SIM2: variants seen among roughly 807,000 people sequenced by gnomAD.
The protein encoded by SIM2 is single-minded homolog 2.
Under a neutral mutation model 64.8 loss-of-function variants are expected in SIM2, and 28 were observed. The observed-to-expected ratio is 0.43, with a 90% confidence interval of 0.32 to 0.59. The LOEUF is 0.59. SIM2 is among the 20% of genes least tolerant of loss of function. SIM2 has a pLI of 0.07. For missense variants in SIM2, 847 were observed against 871.4 expected, an observed-to-expected ratio of 0.97 and a Z score of 0.35; for synonymous variants, 408 against 391.1, an observed-to-expected ratio of 1.04 and a Z score of -0.51.
chr21:36,736,260 A>G (rs1345806657), intron 7 of SIM2, among the ~76,000 whole-genome samples: 2 of 151,752 alleles, frequency 1.3e-5, no homozygotes, highest in East Asian at 3.9e-4. Context: ...ACAGCTGCCA[A>G]CAGCCAGGAC....
At chr21:36,720,531 A>G (rs1401814461) in intron 4 of SIM2, 1 of 152,332 alleles carries the variant, frequency 6.6e-6, no homozygotes, top group Non-Finnish European at 1.5e-5. Flanking sequence ...GAGTTCTAAG[A>G]CCTGCTACTG....
intron 9 of SIM2, among the ~76,000 whole-genome samples, chr21:36,744,173 A>G (rs2089198194): frequency 6.6e-6 from 1 of 152,150 alleles, no homozygotes; most frequent in Non-Finnish European, 1.5e-5. Context: ...TGGAGGTTGC[A>G]GTGAGCTGAG....
intron 7 of SIM2, among the ~76,000 whole-genome samples, chr21:36,731,890 A>T (rs2088973347): frequency 6.6e-6 from 1 of 152,174 alleles, no homozygotes; most frequent in African/African-American, 2.4e-5. Flanking sequence ...TCTAAAAAAA[A>T]AAATCTTTTT....
chr21:36,745,126 A>C lies in SIM2; in HGVS notation c.1566A>C (p.Pro522=), dbSNP rs562948609. 1 of 1,610,076 alleles carries C rather than the reference A, an allele frequency of 6.2e-7. No homozygotes were observed. The highest frequency in any genetic ancestry group is 1.3e-5 in the African/African-American group (1 of 75,002). Residue 522 remains proline, a synonymous_variant, in exon 10 of 11, where the codon CCA becomes CCC. Coordinates refer to ENST00000290399, the MANE Select transcript of SIM2 (RefSeq NM_005069.6). This position sits in a 1 kb window ranked among gnomAD's most constrained non-coding sequence, Gnocchi z 4.8. ...ACACTGCTAGGCACAGCCTGGTGCC[A>C]AGCTACGAAGGTGGGTCAGGTCTGC... ...PANTARHSLV[P]SYEAPAAAVR...
chr21:36,735,115 G>C (rs2089024998), intron 7 of SIM2, among the ~76,000 whole-genome samples: 1 of 152,218 alleles, frequency 6.6e-6, no homozygotes, highest in Admixed American at 6.5e-5. Flanking sequence ...TCAAGCAGAG[G>C]GGAGAGTGAG....
At chr21:36,722,260 A>T (rs2088832542) in intron 4 of SIM2, among the ~76,000 whole-genome samples, 1 of 152,172 alleles carries the variant, frequency 6.6e-6, no homozygotes, top group African/African-American at 2.4e-5. Flanking sequence ...TGTGGGTAAA[A>T]TATGGCAGCC....
chr21:36,702,363 C>T (rs1412146554), intron 1 of SIM2, among the ~76,000 whole-genome samples: 2 of 152,192 alleles, frequency 1.3e-5, no homozygotes, highest in Admixed American at 6.5e-5. Flanking sequence ...TGTTCGGTCC[C>T]CCTCGGAAAG....
At chr21:36,701,040 C>A (rs2088486721) in intron 1 of SIM2, among the ~76,000 whole-genome samples, 1 of 152,230 alleles carries the variant, frequency 6.6e-6, no homozygotes, top group Non-Finnish European at 1.5e-5. Context: ...CGGGCCGCGT[C>A]TTCCAGAGCC....
chr21:36,747,917 G>T lies in SIM2; in HGVS notation c.1829G>T (p.Gly610Val). ...LNYHRVLARR[G>V]PLGGAAPAAS... Reference sequence around the variant, plus strand: ...TACCACCGCGTGCTGGCCCGGCGCGGACCGCTGGGGGGCGCCGCACCCGCC... The same window carrying T: ...TACCACCGCGTGCTGGCCCGGCGCGTACCGCTGGGGGGCGCCGCACCCGCC... The change falls in exon 11 of 11, where the codon GGA becomes GTA. Residue 610 changes from glycine (G) to valine (V), a missense_variant. Physicochemically the swap from Gly to Val is moderately radical, Grantham distance 109. Transcript: ENST00000290399. The surrounding 1 kb of genome is among the most constrained non-coding windows in gnomAD (Gnocchi z 4.5). The T allele has an allele frequency of 1.9e-6, 2 of 1,045,178 alleles. No homozygotes were observed. Among genetic ancestry groups the T allele is most frequent in the South Asian group, 5.9e-5 (2 of 33,964 alleles). 64.7% of individuals were successfully genotyped at this position (1,045,178 alleles called of 1,614,324 possible).
At position 36,745,721 on chromosome 21, in the gene SIM2, C is replaced by A; in HGVS notation, c.1576+585C>A. On this transcript the variant is annotated intron_variant, in intron 10 of 10. Coordinates refer to ENST00000290399, the MANE Select transcript of SIM2 (RefSeq NM_005069.6). The surrounding 1 kb of genome is among the most constrained non-coding windows in gnomAD (Gnocchi z 4.8). Reference sequence around the variant, plus strand: ...GATGTGCCTACTCCCAAGGACACGACACACAGTAGGGACCTGCCCTGTACA... The same window carrying A: ...GATGTGCCTACTCCCAAGGACACGAAACACAGTAGGGACCTGCCCTGTACA... 7.9e-7 allele frequency: 1 copy of A among 1,272,424 alleles called. No homozygotes were observed. The highest frequency in any genetic ancestry group is 1.0e-6 in the Non-Finnish European group (1 of 964,584). The allele number at this position is 1,272,424 out of a possible 1,614,324, so 78.8% of individuals were successfully genotyped here.
At chr21:36,744,306 T>A (rs1229870426) in intron 9 of SIM2, among the ~76,000 whole-genome samples, 1 of 73,180 alleles carries the variant, frequency 1.4e-5, no homozygotes, top group Non-Finnish European at 2.3e-5. Context: ...GCCTCCACAT[T>A]ATGACAAAAA....
At chr21:36,731,457 C>T (rs1298770224) in intron 7 of SIM2, among the ~76,000 whole-genome samples, 1 of 152,204 alleles carries the variant, frequency 6.6e-6, no homozygotes, top group African/African-American at 2.4e-5. Context: ...TTGCGAATAA[C>T]AGCAACAGTG....
chr21:36,739,965 CT>C (rs1413097922), intron 7 of SIM2, among the ~76,000 whole-genome samples: 1 of 120,522 alleles, frequency 8.3e-6, no homozygotes, highest in African/African-American at 3.3e-5. Context: ...GAGACTCTGT[CT>C]CAAAAAAAAA....
intron 1 of SIM2, among the ~76,000 whole-genome samples, chr21:36,700,686 C>T (rs1281050723): frequency 2.0e-5 from 3 of 152,210 alleles, no homozygotes; most frequent in Non-Finnish European, 4.4e-5. Flanking sequence ...AGAGCGAACA[C>T]TTGTGCTGAG....
intron 9 of SIM2, among the ~76,000 whole-genome samples, chr21:36,743,976 T>C (rs1231288932): frequency 6.6e-6 from 1 of 152,292 alleles, no homozygotes; most frequent in African/African-American, 2.4e-5. Context: ...CGGTTGGGCG[T>C]GGTGGCCCAT....
intron 7 of SIM2, among the ~76,000 whole-genome samples, 157 bp from the exon 8 acceptor site, chr21:36,741,560 C>A (rs547414252): frequency 1.3e-5 from 2 of 152,234 alleles, no homozygotes; most frequent in Admixed American, 1.3e-4. Flanking sequence ...TGTGCACGCA[C>A]GAGACGCACA....
intron 2 of SIM2, chr21:36,709,706 C>T (rs1008243117): frequency 9.3e-5 from 31 of 331,916 alleles, no homozygotes; most frequent in African/African-American, 6.5e-4. Flanking sequence ...ATCAATAATA[C>T]AATATTAACA....
In SIM2 at chr21:36,736,531, G is replaced by A. The variant is rs188825165; in HGVS notation, c.851-5186G>A. The stretch of plus-strand genomic sequence containing the variant: ...GAACTCCCAGCCTCCAGAAACTTGA[G>A]CTTTGTGAGGAAGAGCAGGGCCAGC... On this transcript the variant is annotated intron_variant, in intron 7 of 10. Coordinates refer to ENST00000290399, the MANE Select transcript of SIM2 (RefSeq NM_005069.6). Among the ~76,000 whole-genome samples, 656 of 152,334 alleles carry A rather than the reference G, an allele frequency of 4.3e-3. 4 individuals carry two copies. The highest frequency in any genetic ancestry group is 0.028 in the South Asian group (133 of 4,820).
chr21:36,717,450 CT>C (rs528248816), intron 3 of SIM2, among the ~76,000 whole-genome samples: 97 of 134,758 alleles, frequency 7.2e-4, no homozygotes, highest in Middle Eastern at 3.8e-3. Flanking sequence ...TCTTTCTTTT[CT>C]TTTTTTTTTT....
Sources: gnomAD v4.1 joint callset for allele counts (sites outside exome capture counted in the v4.1 genomes callset) on GRCh38, gnomAD v4.1.1 for gene constraint, Gnocchi (gnomAD v3.1) non-coding constraint, MANE v1.5 for transcripts, NCBI Gene and HGNC (gene_info 2026-07-23, HGNC 2026-07-21) for gene names.